Variants in PSG9 observed in about 807,000 individuals in gnomAD.
PSG9 encodes the protein pregnancy-specific beta-1-glycoprotein 9.
PSG9 carries 49 observed loss-of-function variants against 41.9 expected under a neutral mutation model. The ratio of observed to expected loss-of-function variants is 1.17; its 90% CI spans 0.93 to 1.48. PSG9 has a LOEUF of 1.48. Ranked by LOEUF, PSG9 falls within the 40% of genes most tolerant of loss-of-function variation. The pLI is 0.00. For missense variants in PSG9, 641 were observed against 520.3 expected, an observed-to-expected ratio of 1.23 and a Z score of -2.26; for synonymous variants, 263 against 196.8, an observed-to-expected ratio of 1.34 and a Z score of -2.82.
chr19:43,261,919 C>T lies in PSG9; in HGVS notation c.650G>A (p.Cys217Tyr). The T allele has an allele frequency of 6.2e-7, 1 of 1,614,072 alleles. No homozygotes were observed. The highest frequency in any genetic ancestry group is 8.5e-7 in the Non-Finnish European group (1 of 1,179,940). Residue 217 changes from cysteine to tyrosine, a missense_variant, in exon 3 of 6, where the codon TGT becomes TAT. Cys to Tyr is a radical substitution (Grantham distance 194). Coordinates refer to ENST00000270077, the MANE Select transcript of PSG9 (RefSeq NM_002784.5). ...VTKYIAGPYECEIRNPVSASR... is the reference protein window; with the variant it reads ...VTKYIAGPYEYEIRNPVSASR... ...GGCACTCACTGGGTTCCGTATTTCACATTCATAGGGTCCTGCAATATACTT... is the reference window on the plus strand; with the variant it reads ...GGCACTCACTGGGTTCCGTATTTCATATTCATAGGGTCCTGCAATATACTT...
rs759143947 is a variant in PSG9, at chr19:43,258,329, A to C, written c.1116T>G (p.Phe372Leu). Reference protein sequence around the residue: ...AEYFWTINGKFQQSGQKLFIP... With the variant: ...AEYFWTINGKLQQSGQKLFIP... ...TAAAGAGCTTTTGTCCTGATTGCTGAAACTTCCCATTAATTGTCCAAAAAT... is the reference window on the plus strand; with the variant it reads ...TAAAGAGCTTTTGTCCTGATTGCTGCAACTTCCCATTAATTGTCCAAAAAT... The change falls in exon 5 of 6, where the codon TTT becomes TTG. Residue 372 changes from phenylalanine (F) to leucine (L), a missense_variant. Transcript: ENST00000270077. The C allele has an allele frequency of 1.4e-5, 23 of 1,592,898 alleles. 3 individuals are homozygous for C. The Admixed American group carries it at 1.7e-4, about 12-fold the overall frequency.
chr19:43,262,241 A>C (rs1968760343), intron 2 of PSG9, 103 bp from the exon 3 acceptor site: 1 of 1,523,486 alleles, frequency 6.6e-7, no homozygotes, highest in Admixed American at 2.1e-5. Context: ...AGCCCAACCC[A>C]GTCCTTAAAA....
At chr19:43,254,335 C>A (rs1437800194) in intron 5 of PSG9, among the ~76,000 whole-genome samples, 1 of 146,334 alleles carries the variant, frequency 6.8e-6, no homozygotes, top group Non-Finnish European at 1.5e-5. Flanking sequence ...GACTATTTGA[C>A]CTCAAGGCTA....
In PSG9 at chr19:43,257,984, C is replaced by T. The variant is rs751473012; in HGVS notation, c.1243+218G>A. On this transcript the variant is annotated intron_variant, in intron 5 of 5. Coordinates refer to ENST00000270077, the MANE Select transcript of PSG9 (RefSeq NM_002784.5). The stretch of plus-strand genomic sequence containing the variant: ...AGGGCTGATAAAGCCCCCTCCCTAC[C>T]TTTTTCAGGCCAGACACAAGGTCAG... 1.4e-5 allele frequency: 21 copies of T among 1,475,822 alleles called. 2 individuals carry two copies. Among genetic ancestry groups the T allele is most frequent in the African/African-American group, 1.2e-4 (8 of 66,832 alleles). 91.4% of individuals were successfully genotyped at this position (1,475,822 alleles called of 1,614,324 possible).
At chr19:43,257,841 G>C in intron 5 of PSG9, 1 of 1,370,488 alleles carries the variant, frequency 7.3e-7, no homozygotes. Flanking sequence ...TCATGGAATA[G>C]GTACAAGAAA....
intron 1 of PSG9, 63 bp from the exon 2 acceptor site, chr19:43,268,212 C>T (rs1233327329): frequency 1.3e-6 from 2 of 1,510,778 alleles, no homozygotes; most frequent in East Asian, 2.3e-5. Flanking sequence ...AAAGATGGGG[C>T]CCTGGGTCCT....
Position 43,254,933 on chromosome 19 carries a change from A to T in PSG9, c.1244-1287T>A, listed in dbSNP as rs200305679. 3.0e-4 allele frequency among the ~76,000 whole-genome samples: 19 copies of T among 63,772 alleles called. 1 individual carries two copies. Among genetic ancestry groups the T allele is most frequent in the East Asian group, 7.4e-3 (2 of 270 alleles). 41.8% of individuals were successfully genotyped at this position (63,772 alleles called of 152,430 possible). On this transcript the variant is annotated intron_variant, in intron 5 of 5. Transcript: ENST00000270077. ...GGAGATGCTGTCTCTACAAAAAAAT[A>T]AAAAAAAATTAGCTGGGCATGGTGA...
chr19:43,265,329 C>T (rs1968916712), intron 2 of PSG9, among the ~76,000 whole-genome samples: 1 of 152,118 alleles, frequency 6.6e-6, no homozygotes, highest in Non-Finnish European at 1.5e-5. Flanking sequence ...AAATTTGTAA[C>T]TAATTGCTCC....
chr19:43,265,092 G>C lies in PSG9; in HGVS notation c.430+2692C>G, dbSNP rs1365246156. ...CTGTCCTCACTCATTCCTGGACATA[G>C]GTCAGGCTAACCTTGGGAGGAATTT... On this transcript the variant is annotated intron_variant, in intron 2 of 5. Transcript: ENST00000270077. Among the ~76,000 whole-genome samples the C allele has an allele frequency of 1.3e-5, 2 of 152,088 alleles. 1 individual carries two copies. The highest frequency in any genetic ancestry group is 1.3e-4 in the Admixed American group (2 of 15,278).
At chr19:43,269,247 A>C (rs1278648206) in intron 1 of PSG9, 121 bp downstream of exon 1, 2 of 1,525,758 alleles carry the variant, frequency 1.3e-6, no homozygotes, top group African/African-American at 2.8e-5. Context: ...CTCGTGATCC[A>C]CCCACCTCAG....
intron 2 of PSG9, among the ~76,000 whole-genome samples, chr19:43,266,716 C>T (rs62115908): frequency 0.073 from 11,160 of 152,100 alleles, 485 homozygotes; most frequent in African/African-American, 0.089. Context: ...AGGATTTGAG[C>T]CAATAAATGA....
chr19:43,258,992 C>T lies in PSG9; in HGVS notation c.853G>A (p.Gly285Arg), dbSNP rs2355447. 50,145 of 1,590,374 alleles carry T rather than the reference C, an allele frequency of 0.032. 4,232 individuals carry two copies. The highest frequency in any genetic ancestry group is 0.04 in the Middle Eastern group (176 of 4,398). ...CTGTTTTCAATGGGTCGCTTTACCCCGGGACTGACGGGGAGGCTCTGACCG... is the reference window on the plus strand; with the variant it reads ...CTGTTTTCAATGGGTCGCTTTACCCTGGGACTGACGGGGAGGCTCTGACCG... ...LNGQSLPVSP[G>R]VKRPIENRIL... The change falls in exon 4 of 6, where the codon GGG becomes AGG. Residue 285 changes from glycine (G) to arginine (R), a missense_variant. Physicochemically the swap from Gly to Arg is moderately radical, Grantham distance 125. Transcript: ENST00000270077.
At chr19:43,257,600 G>A (rs533927103) in intron 5 of PSG9, 1 of 989,810 alleles carries the variant, frequency 1.0e-6, no homozygotes, top group South Asian at 4.7e-5. Context: ...GGGGAGGCTT[G>A]GCTTCAACTG....
intron 5 of PSG9, 120 bp from the exon 6 acceptor site, chr19:43,253,766 T>C: frequency 1.7e-6 from 1 of 602,334 alleles, no homozygotes; most frequent in Non-Finnish European, 2.8e-6. Context: ...TCTGAGGCTC[T>C]ATTTAACTCT....
At chr19:43,265,315 T>G (rs1158028717) in intron 2 of PSG9, among the ~76,000 whole-genome samples, 1 of 152,154 alleles carries the variant, frequency 6.6e-6, no homozygotes, top group Admixed American at 6.5e-5. Context: ...GGCAAGAGTT[T>G]ACAAAATTTG....
intron 2 of PSG9, among the ~76,000 whole-genome samples, chr19:43,263,668 A>G (rs1968833717): frequency 6.6e-6 from 1 of 152,096 alleles, no homozygotes; most frequent in Non-Finnish European, 1.5e-5. Context: ...CCAAACATCT[A>G]AGATCAATTG....
intron 2 of PSG9, among the ~76,000 whole-genome samples, chr19:43,266,384 C>G (rs1299345177): frequency 2.0e-5 from 3 of 151,768 alleles, no homozygotes; most frequent in Non-Finnish European, 2.9e-5. Flanking sequence ...GGTTTTGGAT[C>G]ATTCATTTCT....
chr19:43,259,238 A>T (rs1172703109), intron 3 of PSG9, 103 bp from the exon 4 acceptor site: 1 of 1,492,788 alleles, frequency 6.7e-7, no homozygotes, highest in Non-Finnish European at 8.9e-7. Flanking sequence ...AGCCCACCCG[A>T]GTCCTTGAAA....
chr19:43,261,107 T>G (rs528874130), intron 3 of PSG9, among the ~76,000 whole-genome samples: 1,719 of 152,210 alleles, frequency 0.011, 21 homozygotes, highest in Non-Finnish European at 0.018. Flanking sequence ...CAGGGTTTTT[T>G]ATTTTCCCTC....
Sources: allele counts gnomAD v4.1 joint callset (sites outside exome capture counted in the v4.1 genomes callset), GRCh38; gene constraint gnomAD v4.1.1; transcripts MANE v1.5; gene names NCBI Gene and HGNC (gene_info 2026-07-23, HGNC 2026-07-21).